The following MBD5 variants were observed in gnomAD, a reference collection of about 807,000 sequenced individuals.
The protein encoded by MBD5 is methyl-CpG-binding domain protein 5.
MBD5 carries 13 observed loss-of-function variants against 117.3 expected under a neutral mutation model. The ratio of observed to expected loss-of-function variants is 0.11; its 90% CI spans 0.07 to 0.18. MBD5 has a LOEUF of 0.18. Among genes scored for constraint, MBD5 ranks in the 10% least tolerant of loss-of-function variants. The pLI is 1.00. For missense variants in MBD5, 1,879 were observed against 2,093.8 expected, an observed-to-expected ratio of 0.90 and a Z score of 2.00; for synonymous variants, 727 against 766.4, an observed-to-expected ratio of 0.95 and a Z score of 0.85.
At chr2:148,503,639 C>G (rs574181787) in intron 12 of MBD5, among the ~76,000 whole-genome samples, 1 of 152,104 alleles carries the variant, frequency 6.6e-6, no homozygotes, top group African/African-American at 2.4e-5. Context: ...CTCTATGTCC[C>G]GGACTCCTTT....
chr2:148,490,081 A>G lies in MBD5; in HGVS notation c.4449A>G (p.Pro1483=). 1 of 1,614,176 alleles carries G rather than the reference A, an allele frequency of 6.2e-7. No homozygotes were observed. The highest frequency in any genetic ancestry group is 8.5e-7 in the Non-Finnish European group (1 of 1,180,036). ...LPGEQHPILL[P]PRNCPGDKIL... Reference sequence around the variant, plus strand: ...GGGAACAGCACCCAATACTGTTACCACCAAGAAACTGTCCAGGGGATAAAA... The same window carrying G: ...GGGAACAGCACCCAATACTGTTACCGCCAAGAAACTGTCCAGGGGATAAAA... Residue 1483 remains proline, a synonymous_variant, in exon 11 of 14, where the codon CCA becomes CCG. Transcript: ENST00000642680.
chr2:148,283,115 C>G (rs1447305188), intron 3 of MBD5, among the ~76,000 whole-genome samples: 1 of 152,074 alleles, frequency 6.6e-6, no homozygotes, highest in African/African-American at 2.4e-5. Context: ...TGATAACACT[C>G]CCATATCAGA....
At chr2:148,399,481 T>C (rs1322664259) in intron 4 of MBD5, among the ~76,000 whole-genome samples, 1 of 152,122 alleles carries the variant, frequency 6.6e-6, no homozygotes, top group Non-Finnish European at 1.5e-5. Flanking sequence ...TAAGAATGCT[T>C]GTGATTTTAG....
chr2:148,479,805 A>G (rs1161267298), intron 8 of MBD5, among the ~76,000 whole-genome samples: 2 of 151,178 alleles, frequency 1.3e-5, no homozygotes, highest in African/African-American at 4.8e-5. Context: ...CAAATATTAT[A>G]CCACTTGACT....
At chr2:148,227,310 C>T (rs1035796841) in intron 2 of MBD5, among the ~76,000 whole-genome samples, 9 of 152,142 alleles carry the variant, frequency 5.9e-5, no homozygotes, top group African/African-American at 1.7e-4. Flanking sequence ...AGGAAGGGAT[C>T]CAGTTTCAGC....
chr2:148,207,870 A>G (rs139841187), intron 2 of MBD5, among the ~76,000 whole-genome samples: 36 of 152,346 alleles, frequency 2.4e-4, no homozygotes, highest in Non-Finnish European at 3.5e-4. Flanking sequence ...AATAACTTTC[A>G]GTTAAGCCCT....
chr2:148,439,787 G>A (rs1387084627), intron 4 of MBD5, among the ~76,000 whole-genome samples: 1 of 143,370 alleles, frequency 7.0e-6, no homozygotes, highest in Non-Finnish European at 1.5e-5. Context: ...TCGCCCAACT[G>A]AAGTGCAGTG....
At chr2:148,329,352 G>A (rs1219053678) in intron 3 of MBD5, among the ~76,000 whole-genome samples, 1 of 152,098 alleles carries the variant, frequency 6.6e-6, no homozygotes, top group South Asian at 2.1e-4. Flanking sequence ...TTTTTTAAAG[G>A]CTGTGAGCTT....
At chr2:148,076,527 C>T (rs769387420) in intron 1 of MBD5, among the ~76,000 whole-genome samples, 2 of 152,078 alleles carry the variant, frequency 1.3e-5, no homozygotes, top group Non-Finnish European at 2.9e-5. Flanking sequence ...AAAAAGAGGC[C>T]TCAGAGGTCT....
intron 1 of MBD5, among the ~76,000 whole-genome samples, chr2:148,129,074 C>T (rs1486337849): frequency 6.6e-6 from 1 of 152,126 alleles, no homozygotes; most frequent in South Asian, 2.1e-4. Flanking sequence ...AAAATACTAT[C>T]CAACCCCAAT....
chr2:148,280,998 T>G (rs1701232566), intron 3 of MBD5, among the ~76,000 whole-genome samples: 1 of 152,194 alleles, frequency 6.6e-6, no homozygotes, highest in Non-Finnish European at 1.5e-5. Context: ...TCTGATAGCA[T>G]TAAGACTTCT....
chr2:148,072,336 C>G (rs1350734025), intron 1 of MBD5, among the ~76,000 whole-genome samples: 3 of 152,020 alleles, frequency 2.0e-5, no homozygotes, highest in Non-Finnish European at 4.4e-5. Flanking sequence ...ACAATGCCAT[C>G]CAGTAGGATA....
intron 1 of MBD5, among the ~76,000 whole-genome samples, chr2:148,129,846 G>T (rs1274553707): frequency 6.6e-6 from 1 of 152,016 alleles, no homozygotes; most frequent in African/African-American, 2.4e-5. Context: ...TAGAACATGG[G>T]CCTTTAATTT....
chr2:148,101,465 A>C (rs1035975765), intron 1 of MBD5, among the ~76,000 whole-genome samples: 2 of 152,162 alleles, frequency 1.3e-5, no homozygotes, highest in South Asian at 4.1e-4. Flanking sequence ...CTGTCCCTAA[A>C]AGAAAAAAAA....
At chr2:148,454,425 T>C (rs1484499658) in intron 4 of MBD5, among the ~76,000 whole-genome samples, 1 of 152,180 alleles carries the variant, frequency 6.6e-6, no homozygotes, top group African/African-American at 2.4e-5. Context: ...TCTAGGTACC[T>C]CAATAGAGAT....
chr2:148,148,729 C>T (rs1018281830), intron 1 of MBD5, among the ~76,000 whole-genome samples: 3 of 152,054 alleles, frequency 2.0e-5, no homozygotes, highest in African/African-American at 7.2e-5. Flanking sequence ...TATACATTGT[C>T]TATAGATATG....
chr2:148,354,598 T>G (rs918958839), intron 4 of MBD5, among the ~76,000 whole-genome samples: 1 of 152,200 alleles, frequency 6.6e-6, no homozygotes, highest in Non-Finnish European at 1.5e-5. Context: ...GTCTTTATAG[T>G]AGAATGATTT....
At chr2:148,060,913 T>C (rs1006135817) in intron 1 of MBD5, among the ~76,000 whole-genome samples, 5 of 152,072 alleles carry the variant, frequency 3.3e-5, no homozygotes, top group East Asian at 1.9e-4. Flanking sequence ...TCCAGTAAGA[T>C]TGTTAAAAAG....
intron 3 of MBD5, among the ~76,000 whole-genome samples, chr2:148,263,609 AT>A (rs1473394889): frequency 4.6e-5 from 7 of 152,216 alleles, no homozygotes; most frequent in Non-Finnish European, 7.3e-5. Flanking sequence ...AAGTGGATGT[AT>A]TGAAGGAAAA....
Sources: gnomAD v4.1 joint callset for allele counts (sites outside exome capture counted in the v4.1 genomes callset) on GRCh38, gnomAD v4.1.1 for gene constraint, MANE v1.5 for transcripts, NCBI Gene and HGNC (gene_info 2026-07-23, HGNC 2026-07-21) for gene names.